Variants in KCNIP4 observed in about 807,000 individuals in gnomAD.
KCNIP4 encodes the protein Kv channel-interacting protein 4.
In KCNIP4, 12 loss-of-function variants were observed where a neutral mutation model predicts 34.0. The observed-to-expected ratio is 0.35, with a 90% CI of 0.23 to 0.57. KCNIP4 has a LOEUF of 0.57. KCNIP4 is among the 20% of genes least tolerant of loss of function. The pLI is 0.83. For missense variants in KCNIP4, 238 were observed against 311.7 expected, an observed-to-expected ratio of 0.76 and a Z score of 1.78; for synonymous variants, 124 against 102.2, an observed-to-expected ratio of 1.21 and a Z score of -1.29.
At position 20,882,717 on chromosome 4, in the gene KCNIP4, A is replaced by G; in HGVS notation, c.62-8T>C. Reference sequence around the variant, plus strand: ...TCTGAGCGTACAGGAAACCTAGAAGATACAGGATCAGTTCTGTTAATGCTG... The same window carrying G: ...TCTGAGCGTACAGGAAACCTAGAAGGTACAGGATCAGTTCTGTTAATGCTG... On this transcript the variant is annotated splice_region_variant and splice_polypyrimidine_tract_variant and intron_variant, in intron 1 of 8. Coordinates refer to ENST00000382152, the MANE Select transcript of KCNIP4 (RefSeq NM_025221.6). The G allele has an allele frequency of 1.9e-6, 3 of 1,608,404 alleles. No individual in the cohort carries two copies. The highest frequency in any genetic ancestry group is 1.7e-4 in the Middle Eastern group (1 of 6,026).
intron 1 of KCNIP4, among the ~76,000 whole-genome samples, chr4:20,947,271 T>A (rs971038249): frequency 1.3e-5 from 2 of 152,162 alleles, no homozygotes; most frequent in East Asian, 3.9e-4. Context: ...CAGCTTCAAG[T>A]GATCCTCCCA....
At chr4:20,958,280 C>T (rs572824251) in intron 1 of KCNIP4, among the ~76,000 whole-genome samples, 5 of 152,138 alleles carry the variant, frequency 3.3e-5, no homozygotes, top group Non-Finnish European at 5.9e-5. Flanking sequence ...GAACACAAAT[C>T]CAAAGTGAAT....
At chr4:21,742,536 T>C (rs1473661886) in intron 1 of KCNIP4, among the ~76,000 whole-genome samples, 3 of 152,210 alleles carry the variant, frequency 2.0e-5, no homozygotes, top group Non-Finnish European at 2.9e-5. Context: ...TTTCTAAGTA[T>C]GAATCAGCAT....
chr4:20,979,585 A>C (rs760513044), intron 1 of KCNIP4, among the ~76,000 whole-genome samples: 1 of 151,746 alleles, frequency 6.6e-6, no homozygotes. Context: ...TTTTTAGTAG[A>C]GACAGGGTTT....
chr4:20,733,940 C>T (rs1195623631), intron 6 of KCNIP4, among the ~76,000 whole-genome samples: 1 of 152,096 alleles, frequency 6.6e-6, no homozygotes. Flanking sequence ...TGGCCCTGGG[C>T]ACCTTTTGTC....
At chr4:20,846,960 C>T (rs1462249780) in intron 3 of KCNIP4, among the ~76,000 whole-genome samples, 1 of 152,124 alleles carries the variant, frequency 6.6e-6, no homozygotes, top group East Asian at 1.9e-4. Flanking sequence ...CAGATGGTTG[C>T]AACGTGCATT....
intron 1 of KCNIP4, among the ~76,000 whole-genome samples, chr4:21,522,648 G>T (rs1170084943): frequency 6.6e-6 from 1 of 151,898 alleles, no homozygotes; most frequent in Non-Finnish European, 1.5e-5. Context: ...TAGCAAAGTG[G>T]CTAAAATCAT....
At chr4:21,035,882 G>T (rs965000677) in intron 1 of KCNIP4, among the ~76,000 whole-genome samples, 1 of 152,138 alleles carries the variant, frequency 6.6e-6, no homozygotes, top group East Asian at 1.9e-4. Context: ...AGAGTGGGAC[G>T]TGCTTGAGAG....
chr4:21,329,446 T>TA (rs1334377368), intron 1 of KCNIP4, among the ~76,000 whole-genome samples: 4 of 152,206 alleles, frequency 2.6e-5, no homozygotes, highest in Non-Finnish European at 5.9e-5. Context: ...GAATACTTAC[T>TA]ACACATCAGA....
chr4:21,287,340 A>C (rs1763181843), intron 1 of KCNIP4, among the ~76,000 whole-genome samples: 1 of 152,220 alleles, frequency 6.6e-6, no homozygotes, highest in South Asian at 2.1e-4. Context: ...ATACATGAGA[A>C]GAAATATGTG....
intron 1 of KCNIP4, among the ~76,000 whole-genome samples, chr4:21,459,464 A>G (rs1461453932): frequency 2.0e-5 from 3 of 151,948 alleles, no homozygotes; most frequent in Non-Finnish European, 4.4e-5. Context: ...TAGACTTTCC[A>G]GTTTGTCTGC....
rs142722731 is a variant in KCNIP4 at position 21,864,604 on chromosome 4, A to G, written c.61+83967T>C. On this transcript the variant is annotated intron_variant, in intron 1 of 8. Coordinates refer to ENST00000382152, the MANE Select transcript of KCNIP4 (RefSeq NM_025221.6). The stretch of plus-strand genomic sequence containing the variant: ...GATTCCAGAAAATAAAAGGATTAGA[A>G]CAAGGTATATATTTTTCAATTGATG... Among the ~76,000 whole-genome samples, 555 of 152,362 alleles carry G rather than the reference A, an allele frequency of 3.6e-3. 2 individuals carry two copies. Among genetic ancestry groups the G allele is most frequent in the Middle Eastern group, 0.014 (4 of 294 alleles).
intron 1 of KCNIP4, among the ~76,000 whole-genome samples, chr4:21,918,116 G>A (rs1484968857): frequency 6.6e-6 from 1 of 152,154 alleles, no homozygotes; most frequent in Non-Finnish European, 1.5e-5. Context: ...GAGACCTTAT[G>A]CCCACCAAGG....
At chr4:21,836,872 A>G (rs566880270) in intron 1 of KCNIP4, among the ~76,000 whole-genome samples, 20 of 151,214 alleles carry the variant, frequency 1.3e-4, no homozygotes, top group African/African-American at 4.6e-4. Flanking sequence ...AGAGGTATTA[A>G]TATGTTGCTG....
At chr4:21,840,980 A>C (rs1180650359) in intron 1 of KCNIP4, among the ~76,000 whole-genome samples, 3 of 152,214 alleles carry the variant, frequency 2.0e-5, no homozygotes, top group African/African-American at 7.2e-5. Flanking sequence ...TTTTCCTAAC[A>C]GAGCTCCATC....
chr4:20,818,990 T>A (rs9990435), intron 3 of KCNIP4, among the ~76,000 whole-genome samples: 58,040 of 144,754 alleles, frequency 0.4, 11,759 homozygotes, highest in Admixed American at 0.52. Context: ...GTTCAAGCGA[T>A]TCTCCTGCCT....
chr4:21,100,910 G>T (rs1176272485), intron 1 of KCNIP4, among the ~76,000 whole-genome samples: 1 of 117,494 alleles, frequency 8.5e-6, no homozygotes, highest in Non-Finnish European at 1.8e-5. Context: ...TGTTTTGTAT[G>T]ATTGTTTGTG....
chr4:21,515,755 AAGG>A (rs1734702761), intron 1 of KCNIP4, among the ~76,000 whole-genome samples: 1 of 152,168 alleles, frequency 6.6e-6, no homozygotes, highest in Non-Finnish European at 1.5e-5. Context: ...TTCCTTAGAA[AAGG>A]AGGAGTTTGG....
intron 1 of KCNIP4, among the ~76,000 whole-genome samples, chr4:21,318,182 A>T (rs145826215): frequency 1.5e-4 from 23 of 152,340 alleles, no homozygotes; most frequent in South Asian, 8.3e-4. Context: ...GAGACATTTT[A>T]AAAAAGACAG....
Sources: allele counts gnomAD v4.1 joint callset (sites outside exome capture counted in the v4.1 genomes callset), GRCh38; gene constraint gnomAD v4.1.1; transcripts MANE v1.5; gene names NCBI Gene and HGNC (gene_info 2026-07-23, HGNC 2026-07-21).